Variants in MIA observed in about 807,000 individuals in gnomAD.
MIA encodes melanoma-derived growth regulatory protein.
Under a neutral mutation model 18.5 loss-of-function variants are expected in MIA, and 18 were observed. The observed-to-expected ratio is 0.97, with a 90% CI of 0.67 to 1.44. The LOEUF (loss-of-function observed/expected upper bound fraction) is 1.44, where lower values mean the gene tolerates loss of function less well. MIA is among the 40% of genes most tolerant of loss of function. The pLI is 0.00. For missense variants in MIA, 158 were observed against 172.4 expected (o/e 0.92, Z 0.47); for synonymous variants, 55 against 64.9 (o/e 0.85, Z 0.74).
chr19:40,776,720 C>A, intron 2 of MIA: 1 of 348,976 alleles, frequency 2.9e-6, no homozygotes. Flanking sequence ...TCAACCTGGG[C>A]GACACAATGA....
At position 40,775,542 on chromosome 19, in the gene MIA, G is replaced by A. The variant is rs1189438942; in HGVS notation, c.-1G>A. The A allele has an allele frequency of 6.2e-7, 1 of 1,614,044 alleles. No individual in the cohort carries two copies. The highest frequency in any genetic ancestry group is 1.7e-5 in the Admixed American group (1 of 60,010). Reference sequence around the variant, plus strand: ...GCTCACTCTCTTGCTCACAGTCCACGATGGCCCGGTCCCTGGTGTGCCTTG... The same window carrying A: ...GCTCACTCTCTTGCTCACAGTCCACAATGGCCCGGTCCCTGGTGTGCCTTG... On this transcript the variant is annotated 5_prime_UTR_variant, in exon 1 of 4. Coordinates refer to ENST00000263369, the MANE Select transcript of MIA (RefSeq NM_006533.4).
At chr19:40,777,172 G>A in intron 3 of MIA, 93 bp downstream of exon 3, 1 of 1,190,960 alleles carries the variant, frequency 8.4e-7, no homozygotes, top group Non-Finnish European at 1.2e-6. Flanking sequence ...CTCCCTGGCA[G>A]CCTAGGTATG....
Position 40,775,766 on chromosome 19 carries a change from G to T in MIA, c.142G>T (p.Ala48Ser). The T allele has an allele frequency of 6.2e-7, 1 of 1,614,122 alleles. No homozygotes were observed. The highest frequency in any genetic ancestry group is 8.5e-7 in the Non-Finnish European group (1 of 1,180,050). ...TCCTTCCCTAGACCCTATCTCCATG[G>T]CTGTGGCCCTTCAGGACTACATGGC... Reference protein sequence around the residue: ...DQECSHPISMAVALQDYMAPD... With the variant: ...DQECSHPISMSVALQDYMAPD... Residue 48 changes from alanine (A) to serine (S), a missense_variant, in exon 2 of 4, where the codon GCT becomes TCT. By Grantham distance (99) the Ala-to-Ser change is moderately conservative. Coordinates refer to ENST00000263369, the MANE Select transcript of MIA (RefSeq NM_006533.4).
Position 40,775,778 on chromosome 19 carries a change from C to T in MIA, c.154C>T (p.Gln52Ter). Residue 52 changes from glutamine (Q) to a stop codon, truncating the protein, a stop_gained, in exon 2 of 4, where the codon CAG becomes TAG. Coordinates refer to ENST00000263369, the MANE Select transcript of MIA (RefSeq NM_006533.4). LOFTEE classifies it high-confidence loss of function. ...SHPISMAVAL[Q>*]DYMAPDCRFL... ...CCCTATCTCCATGGCTGTGGCCCTT[C>T]AGGACTACATGGCCCCCGACTGCCG... 1 of 1,614,116 alleles carries T rather than the reference C, an allele frequency of 6.2e-7. No homozygotes were observed. Among genetic ancestry groups the T allele is most frequent in the Non-Finnish European group, 8.5e-7 (1 of 1,180,036 alleles).
At chr19:40,776,626 C>T (rs769986571) in intron 2 of MIA, among the ~76,000 whole-genome samples, 44 of 151,966 alleles carry the variant, frequency 2.9e-4, no homozygotes, top group Admixed American at 8.5e-4. Flanking sequence ...GTCTGTGGTC[C>T]CGGCTACTCG....
chr19:40,776,896 A>G (rs2083000905), intron 2 of MIA, 73 bp from the exon 3 acceptor site: 8 of 970,778 alleles, frequency 8.2e-6, no homozygotes, highest in Non-Finnish European at 1.3e-5. Flanking sequence ...GGGAGAAGGG[A>G]GAATGCAAAG....
chr19:40,775,925 T>C (rs2082992826), intron 2 of MIA, 40 bp downstream of exon 2: 2 of 1,603,320 alleles, frequency 1.2e-6, no homozygotes, highest in South Asian at 1.1e-5. Context: ...GGTACAGAGC[T>C]GGGGTAGACT....
intron 2 of MIA, 61 bp from the exon 3 acceptor site, chr19:40,776,908 C>T (rs1291062352): frequency 2.6e-6 from 3 of 1,147,934 alleles, no homozygotes; most frequent in Non-Finnish European, 2.6e-6. Flanking sequence ...AATGCAAAGG[C>T]CTTCAGCAGG....
At chr19:40,775,501 A>T (rs1435697639), upstream of MIA, 25 of 1,611,156 alleles carry the variant, frequency 1.6e-5, no homozygotes, top group Non-Finnish European at 2.0e-5. Context: ...GAAATTGGAG[A>T]CCCCAGCACC....
At position 40,776,512 on chromosome 19, in the gene MIA, G is replaced by A. The variant is rs575345559; in HGVS notation, c.262-457G>A. Among the ~76,000 whole-genome samples, 4 of 152,226 alleles carry A rather than the reference G, an allele frequency of 2.6e-5. No individual in the cohort carries two copies. The East Asian group carries it at 5.8e-4, about 22-fold the overall frequency. On this transcript the variant is annotated intron_variant, in intron 2 of 3. Transcript: ENST00000263369. ...TGTAATCCCAAGTAAGGCCAAGTTG[G>A]GAGGATAGCTTGAGCCCAGGAGTTC...
intron 2 of MIA, 101 bp downstream of exon 2, chr19:40,775,986 T>A: frequency 7.5e-7 from 1 of 1,331,020 alleles, no homozygotes; most frequent in Non-Finnish European, 1.0e-6. Context: ...AAATAGACAT[T>A]GTGGGGGGAT....
At chr19:40,777,114 G>T in intron 3 of MIA, 35 bp downstream of exon 3, 1 of 1,570,234 alleles carries the variant, frequency 6.4e-7, no homozygotes, top group African/African-American at 1.3e-5. Flanking sequence ...AAATGTGGGG[G>T]GAGGACCCTT....
Position 40,777,062 on chromosome 19 carries a change from G to A in MIA, c.355G>A (p.Val119Ile). 1 of 1,612,866 alleles carries A rather than the reference G, an allele frequency of 6.2e-7. No individual in the cohort carries two copies. Among genetic ancestry groups the A allele is most frequent in the Non-Finnish European group, 8.5e-7 (1 of 1,179,758 alleles). The change falls in exon 3 of 4, where the codon GTC becomes ATC. Residue 119 changes from valine (V) to isoleucine (I), a missense_variant. Physicochemically the swap from Val to Ile is conservative, Grantham distance 29. Transcript: ENST00000263369. ...REDQTLKPGK[V>I]DVKTDKWDFY... is the part of the protein sequence containing the mutation. ...GGACCAGACCCTGAAACCTGGCAAA[G>A]TCGATGTGAAGACAGACGTGAGTGT...
upstream of MIA, chr19:40,775,409 G>A (rs1249354819): frequency 7.3e-7 from 1 of 1,375,124 alleles, no homozygotes; most frequent in East Asian, 2.3e-5. Context: ...TAGGTGGTGT[G>A]GGCGAAGTTT....
intron 3 of MIA, 136 bp from the exon 4 acceptor site, chr19:40,777,261 G>A: frequency 8.6e-7 from 1 of 1,157,366 alleles, no homozygotes; most frequent in Admixed American, 1.8e-5. Context: ...AAAGATTAGA[G>A]GGCTCTAGGC....
intron 2 of MIA, 89 bp downstream of exon 2, chr19:40,775,974 T>A: frequency 1.2e-5 from 17 of 1,460,904 alleles, no homozygotes; most frequent in Non-Finnish European, 1.6e-5. Context: ...GGGGGTGAAC[T>A]GAAATAGACA....
intron 2 of MIA, 93 bp downstream of exon 2, chr19:40,775,978 A>G (rs2082993211): frequency 1.4e-6 from 2 of 1,469,806 alleles, no homozygotes; most frequent in African/African-American, 1.4e-5. Flanking sequence ...GTGAACTGAA[A>G]TAGACATTGT....
Position 40,775,752 on chromosome 19 carries a change from ACCCTAT to A in MIA, c.130_135del (p.Pro44_Ile45del). 1 of 1,613,676 alleles carries A rather than the reference ACCCTAT, an allele frequency of 6.2e-7. No individual in the cohort carries two copies. The highest frequency in any genetic ancestry group is 8.5e-7 in the Non-Finnish European group (1 of 1,179,904). ...GCATTCCCTTCTATTCCTTCCCTAG[ACCCTAT>A]CTCCATGGCTGTGGCCCTTCAGGAC... On this transcript the variant is annotated inframe_deletion and splice_region_variant, in exon 2 of 4. Coordinates refer to ENST00000263369, the MANE Select transcript of MIA (RefSeq NM_006533.4).
In MIA at chr19:40,775,639, C is replaced by T. The variant is rs577492559; in HGVS notation, c.97C>T (p.Arg33Trp). The change falls in exon 1 of 4, where the codon CGG (arginine) becomes TGG (tryptophan). Residue 33 changes from arginine to tryptophan, a missense_variant. Arg to Trp is a moderately radical substitution (Grantham distance 101, BLOSUM62 -3). Coordinates refer to ENST00000263369, the MANE Select transcript of MIA (RefSeq NM_006533.4). ...RGGPMPKLAD[R>W]KLCADQECSH... ...TGGTCCTATGCCCAAGCTGGCTGACCGGAAGCTGTGTGCGGACCAGGAGTG... is the reference window on the plus strand; with the variant it reads ...TGGTCCTATGCCCAAGCTGGCTGACTGGAAGCTGTGTGCGGACCAGGAGTG... 19 of 1,614,098 alleles carry T rather than the reference C, an allele frequency of 1.2e-5. No individual in the cohort carries two copies. Among genetic ancestry groups the T allele is most frequent in the South Asian group, 4.4e-5 (4 of 91,074 alleles).
Sources: gnomAD v4.1 joint callset for allele counts (sites outside exome capture counted in the v4.1 genomes callset) on GRCh38, gnomAD v4.1.1 for gene constraint, MANE v1.5 for transcripts, NCBI Gene and HGNC (gene_info 2026-07-23, HGNC 2026-07-21) for gene names.